The following PATJ variants were observed in gnomAD, a reference collection of about 807,000 sequenced individuals.
The protein encoded by PATJ is PATJ crumbs cell polarity complex component, also known as inaD-like protein.
PATJ carries 190 observed loss-of-function variants against 224.9 expected under a neutral mutation model. That is an observed-to-expected ratio of 0.84 (90% CI 0.75 to 0.95). The LOEUF (loss-of-function observed/expected upper bound fraction) is 0.95. Among genes scored for constraint, PATJ ranks in the 40% least tolerant of loss-of-function variants. PATJ has a pLI of 0.00. For synonymous variants in PATJ, 769 were observed against 820.3 expected (o/e 0.94, Z 1.07); for missense variants, 2,121 against 2,270.3 (o/e 0.93, Z 1.34).
intron 41 of PATJ, among the ~76,000 whole-genome samples, chr1:62,144,777 A>AAAAATATATATATATAT (rs377489788): frequency 8.4e-6 from 1 of 119,102 alleles, no homozygotes; most frequent in South Asian, 2.7e-4. Context: ...AAAAAAAAAA[A>AAAAATATATATATATAT]ATATATATAT....
At chr1:62,127,316 A>T (rs1336151044) in intron 39 of PATJ, among the ~76,000 whole-genome samples, 2 of 152,080 alleles carry the variant, frequency 1.3e-5, no homozygotes, top group African/African-American at 2.4e-5. Context: ...TCCTTCCTGC[A>T]GGGTTGTGGT....
chr1:61,880,998 G>C (rs1668013465), intron 21 of PATJ, among the ~76,000 whole-genome samples: 1 of 152,186 alleles, frequency 6.6e-6, no homozygotes, highest in Non-Finnish European at 1.5e-5. Flanking sequence ...GGTGCCTGAG[G>C]CAGGAGAATC....
chr1:61,862,174 A>G (rs561186857), intron 19 of PATJ, among the ~76,000 whole-genome samples: 2 of 147,380 alleles, frequency 1.4e-5, no homozygotes, highest in Non-Finnish European at 3.0e-5. Context: ...CATTGTATAT[A>G]TACATATATA....
chr1:61,882,115 C>T (rs1038039768), intron 21 of PATJ, among the ~76,000 whole-genome samples: 4 of 152,084 alleles, frequency 2.6e-5, no homozygotes, highest in African/African-American at 4.8e-5. Context: ...AAAATAAAGT[C>T]GGCCCACATT....
intron 32 of PATJ, 64 bp from the exon 33 acceptor site, chr1:62,084,451 T>C (rs1659690630): frequency 1.3e-6 from 2 of 1,538,662 alleles, no homozygotes; most frequent in South Asian, 2.6e-5. Flanking sequence ...CCCCACGTGA[T>C]GGAACGTGCA....
intron 17 of PATJ, among the ~76,000 whole-genome samples, chr1:61,837,587 G>T (rs889509003): frequency 3.9e-5 from 6 of 152,040 alleles, no homozygotes; most frequent in Non-Finnish European, 8.8e-5. Context: ...CCAGAAGTTT[G>T]AGACCAGCCT....
At chr1:61,770,937 T>C (rs555994050) in intron 5 of PATJ, among the ~76,000 whole-genome samples, 4 of 149,506 alleles carry the variant, frequency 2.7e-5, no homozygotes, top group Non-Finnish European at 5.9e-5. Flanking sequence ...AGCTCAGATA[T>C]AAATTTGGAA....
chr1:61,901,949 A>G (rs2149167675), intron 24 of PATJ, among the ~76,000 whole-genome samples: 1 of 152,298 alleles, frequency 6.6e-6, no homozygotes, highest in Non-Finnish European at 1.5e-5. Context: ...CAGGCCGAGC[A>G]CGGTGGCTCA....
chr1:62,105,118 A>G lies in PATJ; in HGVS notation c.4378-3319A>G, dbSNP rs74413070. On this transcript the variant is annotated intron_variant, in intron 33 of 43. Coordinates refer to ENST00000642238, the MANE Select transcript of PATJ (RefSeq NM_001350145.3). ...ATTTGCAGTGAGTTCAGCATTTGAA[A>G]CTATTAATATATTATTCCTTTAGGG... 5.6e-3 allele frequency among the ~76,000 whole-genome samples: 856 copies of G among 152,320 alleles called. 10 individuals are homozygous for G. The highest frequency in any genetic ancestry group is 0.02 in the African/African-American group (812 of 41,570).
intron 41 of PATJ, among the ~76,000 whole-genome samples, chr1:62,147,518 G>T (rs1365900094): frequency 2.6e-5 from 4 of 152,160 alleles, no homozygotes; most frequent in Admixed American, 2.6e-4. Context: ...ATTAGCCAGG[G>T]CTGGGCTTGG....
chr1:61,792,592 G>A (rs1397379783), intron 9 of PATJ, among the ~76,000 whole-genome samples: 1 of 151,524 alleles, frequency 6.6e-6, no homozygotes, highest in African/African-American at 2.4e-5. Context: ...GTGCAGTGGC[G>A]CGATCTTGGC....
At chr1:62,079,756 G>T (rs552592935) in intron 32 of PATJ, among the ~76,000 whole-genome samples, 189 bp downstream of exon 32, 2 of 152,092 alleles carry the variant, frequency 1.3e-5, no homozygotes, top group Non-Finnish European at 2.9e-5. Flanking sequence ...CTCTGCCATC[G>T]CCATTGCCTG....
chr1:61,817,327 T>C (rs752348236), intron 14 of PATJ, among the ~76,000 whole-genome samples: 17 of 152,230 alleles, frequency 1.1e-4, no homozygotes, highest in Non-Finnish European at 1.9e-4. Context: ...TACTACTGTA[T>C]AACAGAGTAC....
intron 25 of PATJ, among the ~76,000 whole-genome samples, chr1:61,911,292 C>T (rs962232665): frequency 1.3e-5 from 2 of 152,204 alleles, no homozygotes; most frequent in Non-Finnish European, 2.9e-5. Flanking sequence ...CAGCTCACTG[C>T]AACCTCCGCC....
rs954775295 is a variant in PATJ, at chr1:62,017,954, T to C, written c.3959+7T>C. ...TCAAGCTGGTTTTCATCAGGTAAGA[T>C]TGCTAGATCTGGTTTTGCAAAATCA... On this transcript the variant is annotated splice_region_variant and intron_variant, in intron 29 of 43. Coordinates refer to ENST00000642238, the MANE Select transcript of PATJ (RefSeq NM_001350145.3). The C allele has an allele frequency of 5.1e-6, 8 of 1,553,900 alleles. No homozygotes were observed. The highest frequency in any genetic ancestry group is 3.3e-5 in the South Asian group (3 of 89,706).
intron 29 of PATJ, among the ~76,000 whole-genome samples, chr1:62,027,470 G>A (rs1648210320): frequency 6.6e-6 from 1 of 151,990 alleles, no homozygotes. Flanking sequence ...AATTCTTTTG[G>A]ATATATACCA....
chr1:61,796,217 G>T (rs557696781), intron 10 of PATJ, among the ~76,000 whole-genome samples: 7 of 152,320 alleles, frequency 4.6e-5, no homozygotes, highest in African/African-American at 1.7e-4. Context: ...TATGGGGAAA[G>T]TTGAAATACT....
At chr1:62,102,123 A>T (rs1480667846) in intron 33 of PATJ, among the ~76,000 whole-genome samples, 1 of 151,840 alleles carries the variant, frequency 6.6e-6, no homozygotes, top group Non-Finnish European at 1.5e-5. Flanking sequence ...AACCTGCAGT[A>T]AGCTAAGATT....
intron 27 of PATJ, among the ~76,000 whole-genome samples, chr1:61,976,965 A>G (rs1277596004): frequency 2.0e-5 from 3 of 152,052 alleles, no homozygotes; most frequent in Admixed American, 6.5e-5. Context: ...TCCTAACATC[A>G]TAATTTTTTG....
Sources: allele counts gnomAD v4.1 joint callset (sites outside exome capture counted in the v4.1 genomes callset), GRCh38; gene constraint gnomAD v4.1.1; transcripts MANE v1.5; gene names NCBI Gene and HGNC (gene_info 2026-07-23, HGNC 2026-07-21).